The following SUGCT variants were observed in gnomAD, a reference collection of about 807,000 sequenced individuals.
SUGCT encodes succinyl-CoA:glutarate CoA-transferase.
A neutral mutation model predicts 55.0 loss-of-function variants in SUGCT; 41 were observed. The ratio of observed to expected loss-of-function variants is 0.74; its 90% CI spans 0.58 to 0.97. SUGCT has a LOEUF of 0.97. Ranked by LOEUF, SUGCT falls within the 50% of genes least tolerant of loss-of-function variation. The probability of loss-of-function intolerance (pLI) is 0.00; values close to 1 mark genes in which losing one functional copy is unlikely to be tolerated. For missense variants in SUGCT, 568 were observed against 547.8 expected, an observed-to-expected ratio of 1.04 and a Z score of -0.37; for synonymous variants, 187 against 200.4, an observed-to-expected ratio of 0.93 and a Z score of 0.56.
chr7:40,372,113 A>G (rs1045087375), intron 9 of SUGCT, among the ~76,000 whole-genome samples: 1 of 150,604 alleles, frequency 6.6e-6, no homozygotes, highest in African/African-American at 2.4e-5. Context: ...TTTTTTTTTT[A>G]GGTTTGTTTT....
At chr7:40,958,100 T>C in the SUGCT span, among the ~76,000 whole-genome samples, 47 of 152,196 alleles carry the variant, frequency 3.1e-4, no homozygotes, top group African/African-American at 1.1e-3. Context: ...AAGATTTTTC[T>C]CTTCATTTCA....
At chr7:40,603,476 C>T (rs1798388285) in intron 12 of SUGCT, among the ~76,000 whole-genome samples, 1 of 152,158 alleles carries the variant, frequency 6.6e-6, no homozygotes, top group African/African-American at 2.4e-5. Context: ...AATATAGTAG[C>T]TGTTCCATAA....
At chr7:40,835,472 T>C (rs901053279) in intron 13 of SUGCT, among the ~76,000 whole-genome samples, 3 of 152,186 alleles carry the variant, frequency 2.0e-5, no homozygotes, top group Non-Finnish European at 4.4e-5. Flanking sequence ...TGTTGAAATA[T>C]TGACTACAGA....
intron 12 of SUGCT, among the ~76,000 whole-genome samples, chr7:40,530,115 C>T (rs6964399): frequency 0.06 from 9,074 of 152,172 alleles, 884 homozygotes; most frequent in African/African-American, 0.21. Context: ...ACGCAATTCC[C>T]TAACTCAAGT....
the SUGCT span, among the ~76,000 whole-genome samples, chr7:41,017,279 C>T: frequency 4.7e-3 from 718 of 152,204 alleles, 3 homozygotes; most frequent in African/African-American, 0.017. Context: ...AGCCCATTCA[C>T]GTCTCCATAT....
intron 12 of SUGCT, among the ~76,000 whole-genome samples, chr7:40,737,171 A>T (rs1787205059): frequency 6.6e-6 from 1 of 152,224 alleles, no homozygotes; most frequent in African/African-American, 2.4e-5. Context: ...GACACAGCAC[A>T]GAGTGTCCTC....
chr7:40,849,049 G>T (rs772838505), intron 13 of SUGCT, among the ~76,000 whole-genome samples: 4 of 152,070 alleles, frequency 2.6e-5, no homozygotes, highest in Non-Finnish European at 4.4e-5. Flanking sequence ...ATGAAGTTTG[G>T]CTTCTTACTA....
intron 12 of SUGCT, among the ~76,000 whole-genome samples, chr7:40,674,841 T>C (rs1240015218): frequency 2.6e-5 from 4 of 151,920 alleles, no homozygotes; most frequent in Admixed American, 1.3e-4. Context: ...GAAAATCAAG[T>C]CAGTGATTTA....
the SUGCT span, among the ~76,000 whole-genome samples, chr7:40,922,193 C>T: frequency 0.061 from 9,273 of 152,224 alleles, 966 homozygotes; most frequent in African/African-American, 0.21. Flanking sequence ...TCTTCCAAAT[C>T]GGACTATGTC....
chr7:40,257,171 A>C (rs1431730778), intron 7 of SUGCT, among the ~76,000 whole-genome samples: 1 of 152,142 alleles, frequency 6.6e-6, no homozygotes, highest in African/African-American at 2.4e-5. Context: ...CAGCCTCCCG[A>C]GTAGCTGAAT....
intron 13 of SUGCT, among the ~76,000 whole-genome samples, chr7:40,800,891 G>A (rs1790784918): frequency 6.6e-6 from 1 of 152,174 alleles, no homozygotes; most frequent in South Asian, 2.1e-4. Flanking sequence ...TGAGGTAGTA[G>A]CTATTATTGC....
intron 9 of SUGCT, among the ~76,000 whole-genome samples, chr7:40,433,277 T>C (rs1328072386): frequency 6.6e-6 from 1 of 152,134 alleles, no homozygotes; most frequent in Non-Finnish European, 1.5e-5. Flanking sequence ...ATGCCTCTGC[T>C]TCTTTAGGTT....
chr7:40,582,095 A>G (rs1404157302), intron 12 of SUGCT, among the ~76,000 whole-genome samples: 1 of 152,182 alleles, frequency 6.6e-6, no homozygotes, highest in Non-Finnish European at 1.5e-5. Context: ...TTCTGGACAA[A>G]CAGACATCGC....
chr7:40,591,402 G>C (rs995110215), intron 12 of SUGCT, among the ~76,000 whole-genome samples: 1 of 152,208 alleles, frequency 6.6e-6, no homozygotes, highest in Non-Finnish European at 1.5e-5. Flanking sequence ...GCTTCTTATG[G>C]ATGAGCAAAG....
chr7:40,654,259 C>T (rs1484379500), intron 12 of SUGCT, among the ~76,000 whole-genome samples: 3 of 151,604 alleles, frequency 2.0e-5, no homozygotes, highest in Admixed American at 6.6e-5. Flanking sequence ...ATAAGAAGAG[C>T]TCAGGGGAAA....
At chr7:40,853,017 TTGA>T (rs1172933847) in intron 13 of SUGCT, among the ~76,000 whole-genome samples, 1 of 151,738 alleles carries the variant, frequency 6.6e-6, no homozygotes, top group Non-Finnish European at 1.5e-5. Context: ...ATTGATGAGT[TTGA>T]TGATGACAAT....
intron 12 of SUGCT, among the ~76,000 whole-genome samples, chr7:40,728,386 G>A (rs1786717452): frequency 6.6e-6 from 1 of 152,276 alleles, no homozygotes; most frequent in African/African-American, 2.4e-5. Context: ...GGGCATAGTG[G>A]TGGGTGCCTG....
intron 3 of SUGCT, among the ~76,000 whole-genome samples, chr7:40,187,937 G>A (rs998373974): frequency 2.0e-5 from 3 of 151,966 alleles, no homozygotes; most frequent in Non-Finnish European, 2.9e-5. Context: ...GGCTGAGGCG[G>A]GTGGATCATT....
chr7:40,999,301 C>T, the SUGCT span, among the ~76,000 whole-genome samples: 6 of 151,914 alleles, frequency 3.9e-5, no homozygotes, highest in Admixed American at 1.3e-4. Flanking sequence ...AAAGACTTGA[C>T]AAACATCAGC....
Sources: gnomAD v4.1 joint callset for allele counts (sites outside exome capture counted in the v4.1 genomes callset) on GRCh38, gnomAD v4.1.1 for gene constraint, MANE v1.5 for transcripts, NCBI Gene and HGNC (gene_info 2026-07-23, HGNC 2026-07-21) for gene names.